The following ATP10B variants were observed in gnomAD, a reference collection of about 807,000 sequenced individuals.
ATP10B encodes ATPase phospholipid transporting 10B (putative).
In ATP10B, 122 loss-of-function variants were observed where a neutral mutation model predicts 141.2. The ratio of observed to expected loss-of-function variants is 0.86; its 90% CI spans 0.75 to 1.00. The LOEUF is 1.00. Ranked by LOEUF, ATP10B falls within the 50% of genes least tolerant of loss-of-function variation. The pLI is 0.00. For synonymous variants in ATP10B, 685 were observed against 692.0 expected, an observed-to-expected ratio of 0.99 and a Z score of 0.16; for missense variants, 1,876 against 1,825.3, an observed-to-expected ratio of 1.03 and a Z score of -0.51.
At position 160,847,876 on chromosome 5, in the gene ATP10B, T is replaced by C. The variant is rs140548086; in HGVS notation, c.-576+4065A>G. On this transcript the variant is annotated intron_variant, in intron 1 of 25. Coordinates refer to ENST00000327245, the MANE Select transcript of ATP10B (RefSeq NM_025153.3). ...TCTATTTTCTAGTGTCGGTATTGCT[T>C]TAAGTTTGACAGATGATGGTAAAAT... Among the ~76,000 whole-genome samples the C allele has an allele frequency of 2.6e-3, 390 of 152,286 alleles. 2 individuals are homozygous for C. The highest frequency in any genetic ancestry group is 8.8e-3 in the African/African-American group (364 of 41,564).
At chr5:160,827,134 G>T (rs1774670218) in intron 1 of ATP10B, among the ~76,000 whole-genome samples, 1 of 152,086 alleles carries the variant, frequency 6.6e-6, no homozygotes. Context: ...TGCTGATTTT[G>T]CAGCTCAGGT....
chr5:160,802,508 A>G (rs774853388), intron 1 of ATP10B, among the ~76,000 whole-genome samples: 39 of 152,300 alleles, frequency 2.6e-4, no homozygotes, highest in Non-Finnish European at 5.0e-4. Context: ...GATATTGTTA[A>G]ACATCTATGG....
At chr5:160,622,309 A>C in intron 14 of ATP10B, 85 bp downstream of exon 14, 2 of 1,386,798 alleles carry the variant, frequency 1.4e-6, no homozygotes, top group Non-Finnish European at 1.9e-6. Flanking sequence ...TGTCTCCCTG[A>C]TCAGAACTTC....
At chr5:160,885,298 TAAG>T in the ATP10B span, among the ~76,000 whole-genome samples, 5 of 152,352 alleles carry the variant, frequency 3.3e-5, no homozygotes, top group African/African-American at 7.2e-5. Flanking sequence ...ACTGTGATTC[TAAG>T]AAGGAAGGCA....
intron 6 of ATP10B, among the ~76,000 whole-genome samples, chr5:160,674,181 G>C (rs1762891343): frequency 6.6e-6 from 1 of 152,116 alleles, no homozygotes; most frequent in Admixed American, 6.6e-5. Context: ...AGAGCAAACT[G>C]GTTTTGATAA....
intron 9 of ATP10B, 106 bp from the exon 10 acceptor site, chr5:160,640,698 A>T: frequency 7.0e-7 from 1 of 1,425,322 alleles, no homozygotes; most frequent in Non-Finnish European, 9.5e-7. Context: ...GAGAGGCTTC[A>T]CTCTTTAACC....
chr5:160,829,165 A>C (rs1487093235), intron 1 of ATP10B, among the ~76,000 whole-genome samples: 1 of 151,968 alleles, frequency 6.6e-6, no homozygotes, highest in Admixed American at 6.6e-5. Flanking sequence ...TATGTAACTA[A>C]CCTGCACATT....
intron 7 of ATP10B, among the ~76,000 whole-genome samples, chr5:160,653,614 CATATATATT>C (rs1322195643): frequency 1.1e-3 from 26 of 23,852 alleles, no homozygotes; most frequent in South Asian, 4.6e-3. Context: ...TACATATATA[CATATATATT>C]ATATATACAT....
the ATP10B span, among the ~76,000 whole-genome samples, chr5:160,885,382 C>CAGTG: frequency 1.1e-4 from 16 of 152,290 alleles, no homozygotes; most frequent in Middle Eastern, 0.01. Flanking sequence ...AGTGGTTCCT[C>CAGTG]AGTGAGTGAG....
intron 2 of ATP10B, among the ~76,000 whole-genome samples, chr5:160,730,505 G>A (rs1766665354): frequency 6.6e-6 from 1 of 152,014 alleles, no homozygotes. Flanking sequence ...ACTAGACACA[G>A]CAAGTACAGC....
chr5:160,904,903 G>T, the ATP10B span, among the ~76,000 whole-genome samples: 1 of 152,154 alleles, frequency 6.6e-6, no homozygotes, highest in Admixed American at 6.5e-5. Context: ...GGGACAAGGG[G>T]ATTTGGAGAA....
chr5:160,637,342 C>T (rs1283512009), intron 10 of ATP10B, among the ~76,000 whole-genome samples: 2 of 152,052 alleles, frequency 1.3e-5, no homozygotes, highest in East Asian at 3.9e-4. Flanking sequence ...TCCATCCATT[C>T]ATCCATCCAT....
Position 160,569,609 on chromosome 5 carries a change from G to A in ATP10B, c.3825C>T (p.Thr1275=), listed in dbSNP as rs1459011838. The part of the protein sequence containing the change: ...YFLVSLLYNA[T]CVICNSPTNP... ...TGGTGGGGCTGTTGCAGATGACGCAGGTGGCATTGTACAGGAGGGATACCA... is the reference window on the plus strand; with the variant it reads ...TGGTGGGGCTGTTGCAGATGACGCAAGTGGCATTGTACAGGAGGGATACCA... Residue 1275 remains threonine (T), a synonymous_variant, in exon 25 of 26, where the codon ACC becomes ACT. Coordinates refer to ENST00000327245, the MANE Select transcript of ATP10B (RefSeq NM_025153.3). 6.2e-7 allele frequency: 1 copy of A among 1,613,620 alleles called. No homozygotes were observed.
In ATP10B at chr5:160,673,376, A is replaced by G. The variant is rs921294249; in HGVS notation, c.471-2709T>C. Reference sequence around the variant, plus strand: ...GCAATGTGTAATAATCACATCATGGAAAACAGGATATCCATCCCTTCAAGC... The same window carrying G: ...GCAATGTGTAATAATCACATCATGGGAAACAGGATATCCATCCCTTCAAGC... On this transcript the variant is annotated intron_variant, in intron 6 of 25. Transcript: ENST00000327245. 2.0e-5 allele frequency among the ~76,000 whole-genome samples: 3 copies of G among 152,336 alleles called. No individual in the cohort carries two copies. The South Asian group carries it at 6.2e-4, about 32-fold the overall frequency.
At position 160,738,206 on chromosome 5, in the gene ATP10B, T is replaced by C. The variant is rs920314727; in HGVS notation, c.-330-21172A>G. On this transcript the variant is annotated intron_variant, in intron 2 of 25. Transcript: ENST00000327245. ...AAATAATTTTGGATGAAAGAAGAAA[T>C]AGGAAAAAACATTTTGAAGTGAATG... Among the ~76,000 whole-genome samples the C allele has an allele frequency of 5.9e-5, 9 of 152,150 alleles. No individual in the cohort carries two copies. The South Asian group carries it at 1.9e-3, about 32-fold the overall frequency.
intron 2 of ATP10B, among the ~76,000 whole-genome samples, chr5:160,776,662 A>G (rs1267017751): frequency 6.6e-6 from 1 of 152,196 alleles, no homozygotes; most frequent in Non-Finnish European, 1.5e-5. Context: ...TAAAGCAGGA[A>G]CTCAAAATGT....
chr5:160,731,683 A>G (rs999359022), intron 2 of ATP10B, among the ~76,000 whole-genome samples: 1 of 152,138 alleles, frequency 6.6e-6, no homozygotes, highest in South Asian at 2.1e-4. Flanking sequence ...TAACTAGGGA[A>G]CTAAGTCTGG....
rs776037475 is a variant in ATP10B at position 160,669,918 on chromosome 5, T to TAAAAAAAAAAAAAAAAAAAAA, written c.675+544_675+545insTTTTTTTTTTTTTTTTTTTTT. On this transcript the variant is annotated intron_variant, in intron 7 of 25. Transcript: ENST00000327245. ...TGCACCCAGTGGAGACCCAGTCTCT[T>TAAAAAAAAAAAAAAAAAAAAA]AAAAAAAAAAAGATATCAGTGATCT... Among the ~76,000 whole-genome samples the TAAAAAAAAAAAAAAAAAAAAA allele has an allele frequency of 1.3e-4, 12 of 89,674 alleles. 1 individual carries two copies. The highest frequency in any genetic ancestry group is 5.7e-4 in the African/African-American group (11 of 19,298). 58.8% of individuals were successfully genotyped at this position (89,674 alleles called of 152,430 possible).
At chr5:160,740,871 T>G (rs1447282132) in intron 2 of ATP10B, among the ~76,000 whole-genome samples, 1 of 152,178 alleles carries the variant, frequency 6.6e-6, no homozygotes, top group Non-Finnish European at 1.5e-5. Flanking sequence ...CCCAACCTAT[T>G]GTCAATCTGC....
Sources: allele counts gnomAD v4.1 joint callset (sites outside exome capture counted in the v4.1 genomes callset), GRCh38; gene constraint gnomAD v4.1.1; transcripts MANE v1.5; gene names NCBI Gene and HGNC (gene_info 2026-07-23, HGNC 2026-07-21).